GBF1: variants seen among roughly 807,000 people sequenced by gnomAD.
The protein encoded by GBF1 is golgi brefeldin A resistant guanine nucleotide exchange factor 1.
A neutral mutation model predicts 210.5 loss-of-function variants in GBF1; 114 were observed. The observed-to-expected ratio is 0.54, with a 90% confidence interval of 0.47 to 0.63. The LOEUF (loss-of-function observed/expected upper bound fraction) is 0.63, where lower values mean the gene tolerates loss of function less well. Ranked by LOEUF, GBF1 falls within the 30% of genes least tolerant of loss-of-function variation. The pLI is 0.00. For synonymous variants in GBF1, 850 were observed against 889.2 expected (o/e 0.96, Z 0.78); for missense variants, 1,851 against 2,357.7 (o/e 0.79, Z 4.45).
At chr10:102,314,986 A>G (rs2078808378) in intron 3 of GBF1, among the ~76,000 whole-genome samples, 1 of 152,196 alleles carries the variant, frequency 6.6e-6, no homozygotes, top group South Asian at 2.1e-4. Flanking sequence ...GGCTGTTCTC[A>G]GAGATGTTAC....
At chr10:102,356,035 A>G (rs1166477831) in intron 8 of GBF1, among the ~76,000 whole-genome samples, 2 of 152,196 alleles carry the variant, frequency 1.3e-5, no homozygotes, top group Non-Finnish European at 2.9e-5. Flanking sequence ...TGGATCATCT[A>G]GAAGTATAAA....
chr10:102,237,579 C>G, the GBF1 span, among the ~76,000 whole-genome samples: 1 of 151,990 alleles, frequency 6.6e-6, no homozygotes, highest in Non-Finnish European at 1.5e-5. Flanking sequence ...AGCAACAGCC[C>G]TGAATAAAGA....
chr10:102,305,501 T>C (rs1016267047), intron 3 of GBF1, among the ~76,000 whole-genome samples: 1 of 152,020 alleles, frequency 6.6e-6, no homozygotes, highest in Non-Finnish European at 1.5e-5. Flanking sequence ...TCCCAGCTAC[T>C]TGGGAGGCTG....
intron 3 of GBF1, among the ~76,000 whole-genome samples, chr10:102,284,629 G>T (rs1055323443): frequency 2.6e-5 from 4 of 152,086 alleles, no homozygotes; most frequent in African/African-American, 9.7e-5. Flanking sequence ...ATATTCCATT[G>T]TGTGTGTATA....
chr10:102,260,849 A>G (rs920297315), intron 3 of GBF1, among the ~76,000 whole-genome samples: 2 of 151,972 alleles, frequency 1.3e-5, no homozygotes, highest in Non-Finnish European at 2.9e-5. Context: ...TCCTTGGTTT[A>G]TTGCATTGGT....
intron 3 of GBF1, among the ~76,000 whole-genome samples, chr10:102,292,051 A>G (rs559044924): frequency 6.6e-5 from 10 of 151,604 alleles, no homozygotes; most frequent in Non-Finnish European, 1.2e-4. Context: ...CACCACGCCC[A>G]GCTAATTTTT....
chr10:102,345,181 C>T (rs1053911506), intron 4 of GBF1, among the ~76,000 whole-genome samples: 1 of 150,512 alleles, frequency 6.6e-6, no homozygotes, highest in African/African-American at 2.5e-5. Flanking sequence ...ACTGGGGAGG[C>T]TGAGGCAGGT....
chr10:102,379,634 G>A lies in GBF1; in HGVS notation c.4759G>A (p.Glu1587Lys), dbSNP rs2060718169. ...GCAAAAGCTAGATGCCCTGGAATGG[G>A]AGTCCTGTTTTAACAAGGTGGGACT... ...DLQKLDALEW[E>K]SCFNKVLFPL... The change falls in exon 35 of 40, where the codon GAG becomes AAG. Residue 1587 changes from glutamate (E) to lysine (K), a missense_variant. Coordinates refer to ENST00000369983, the MANE Select transcript of GBF1 (RefSeq NM_001377137.1). The A allele has an allele frequency of 2.5e-6, 4 of 1,613,998 alleles. No individual in the cohort carries two copies. The highest frequency in any genetic ancestry group is 3.4e-6 in the Non-Finnish European group (4 of 1,180,012).
At position 102,325,727 on chromosome 10, in the gene GBF1, G is replaced by T. The variant is rs113274101; in HGVS notation, c.164-18324G>T. Among the ~76,000 whole-genome samples the T allele has an allele frequency of 4.2e-3, 635 of 151,258 alleles. 2 individuals are homozygous for T. The highest frequency in any genetic ancestry group is 6.8e-3 in the Middle Eastern group (2 of 292). ...TGCGGTGGCACAATCTTGGCTCACT[G>T]CACCCTCCGCCTCCTGAGTTCAAGC... On this transcript the variant is annotated intron_variant, in intron 3 of 39. Coordinates refer to ENST00000369983, the MANE Select transcript of GBF1 (RefSeq NM_001377137.1).
intron 36 of GBF1, 136 bp downstream of exon 36, chr10:102,380,090 C>T (rs375899978): frequency 6.8e-6 from 5 of 731,448 alleles, no homozygotes; most frequent in South Asian, 1.6e-5. Context: ...CTAAGCAGGA[C>T]CTAGGGACCT....
chr10:102,365,539 AGAT>A lies in GBF1; in HGVS notation c.2253_2255del (p.Met751del), dbSNP rs754349424. ...CGAGAGAACCCTCGGCTGGACAAGAAGATGATTGGAGAGTTTGTGAGTGACCGC... is the reference window on the plus strand; with the variant it reads ...CGAGAGAACCCTCGGCTGGACAAGAAGATTGGAGAGTTTGTGAGTGACCGC... On this transcript the variant is annotated inframe_deletion, in exon 18 of 40. Coordinates refer to ENST00000369983, the MANE Select transcript of GBF1 (RefSeq NM_001377137.1). The A allele has an allele frequency of 6.2e-7, 1 of 1,614,212 alleles. No individual in the cohort carries two copies. The highest frequency in any genetic ancestry group is 8.5e-7 in the Non-Finnish European group (1 of 1,180,032).
chr10:102,235,662 C>T, the GBF1 span, among the ~76,000 whole-genome samples: 1 of 152,116 alleles, frequency 6.6e-6, no homozygotes, highest in Admixed American at 6.6e-5. Context: ...TTATTTAGCA[C>T]ATTCTATGAG....
At chr10:102,284,189 T>A (rs761058618) in intron 3 of GBF1, among the ~76,000 whole-genome samples, 1 of 152,220 alleles carries the variant, frequency 6.6e-6, no homozygotes, top group Non-Finnish European at 1.5e-5. Flanking sequence ...CATATCCTGT[T>A]AAAGCACTTT....
chr10:102,363,327 G>A lies in GBF1; in HGVS notation c.1948G>A (p.Gly650Arg). The A allele has an allele frequency of 1.2e-6, 2 of 1,614,060 alleles. No homozygotes were observed. The highest frequency in any genetic ancestry group is 1.7e-6 in the Non-Finnish European group (2 of 1,179,910). ...CATCCCAGGCCTGCATCTGCCAGGT[G>A]GAGGGCGGCTGCCACCAGAACATGG... ...SDIPGLHLPGGGRLPPEHGKS... is the reference protein window; with the variant it reads ...SDIPGLHLPGRGRLPPEHGKS... Residue 650 changes from glycine (G) to arginine (R), a missense_variant, in exon 16 of 40, where the codon GGA becomes AGA. By Grantham distance (125) the Gly-to-Arg change is moderately radical. This residue lies in a region of GBF1 where 804 missense variants were observed against 958.6 expected (regional missense o/e 0.84). Transcript: ENST00000369983. The surrounding 1 kb of genome is among the most constrained non-coding windows in gnomAD (Gnocchi z 4.2).
At chr10:102,353,131 C>A (rs1260339086) in intron 7 of GBF1, among the ~76,000 whole-genome samples, 4 of 152,110 alleles carry the variant, frequency 2.6e-5, no homozygotes, top group Non-Finnish European at 4.4e-5. Context: ...AGATAATAAT[C>A]CTTATTATCT....
intron 1 of GBF1, 138 bp from the exon 2 acceptor site, chr10:102,258,791 A>AAG (rs1421532805): frequency 4.2e-6 from 2 of 476,510 alleles, no homozygotes; most frequent in African/African-American, 4.1e-5. Flanking sequence ...AAAAAAAAAA[A>AAG]AAAGAAAGAA....
intron 3 of GBF1, among the ~76,000 whole-genome samples, chr10:102,289,651 A>G (rs1038568144): frequency 4.6e-5 from 7 of 152,206 alleles, no homozygotes; most frequent in Non-Finnish European, 8.8e-5. Flanking sequence ...GTTGTCATTT[A>G]CTGGCGTAGT....
intron 33 of GBF1, 149 bp downstream of exon 33, chr10:102,377,289 A>C: frequency 1.8e-6 from 1 of 560,294 alleles, no homozygotes. Context: ...CCTTACCCAA[A>C]ACCTTACCTG....
In GBF1 at chr10:102,370,690, C is replaced by T. The variant is rs777174456; in HGVS notation, c.3507-17C>T. ...CCCTCTGGCTGAGACTATCTTCATT[C>T]CTTTATGTCTACACAGGGATCGTGT... On this transcript the variant is annotated splice_polypyrimidine_tract_variant and intron_variant, in intron 28 of 39. Transcript: ENST00000369983. 4 of 1,612,626 alleles carry T rather than the reference C, an allele frequency of 2.5e-6. No homozygotes were observed. The South Asian group carries it at 4.4e-5, about 18-fold the overall frequency.
Sources: allele counts gnomAD v4.1 joint callset (sites outside exome capture counted in the v4.1 genomes callset), GRCh38; gene constraint gnomAD v4.1.1; regional missense constraint gnomAD v4.1.1; non-coding constraint Gnocchi (gnomAD v3.1); transcripts MANE v1.5; gene names NCBI Gene and HGNC (gene_info 2026-07-23, HGNC 2026-07-21).